The following NEMF variants were observed in gnomAD, a reference collection of about 807,000 sequenced individuals.
The protein encoded by NEMF is ribosome quality control complex subunit NEMF.
In NEMF, 89 loss-of-function variants were observed where a neutral mutation model predicts 162.2. The ratio of observed to expected loss-of-function variants is 0.55; its 90% confidence interval spans 0.46 to 0.65. The LOEUF (loss-of-function observed/expected upper bound fraction) is 0.65. NEMF is among the 30% of genes least tolerant of loss of function. NEMF has a pLI of 0.00. For synonymous variants in NEMF, 421 were observed against 404.5 expected, an observed-to-expected ratio of 1.04 and a Z score of -0.49; for missense variants, 1,133 against 1,261.9, an observed-to-expected ratio of 0.90 and a Z score of 1.55.
chr14:49,782,113 C>T lies in NEMF; in HGVS notation c.*2523G>A. On this transcript the variant is annotated 3_prime_UTR_variant, in exon 33 of 33. Coordinates refer to ENST00000298310, the MANE Select transcript of NEMF (RefSeq NM_004713.6). ...TACGATTTTTATTGCTAACAAAGAC[C>T]TAGAGAACAGATCGTTCAGTTCAAA... 2.3e-6 allele frequency: 1 copy of T among 431,670 alleles called. No homozygotes were observed. Among genetic ancestry groups the T allele is most frequent in the Non-Finnish European group, 4.1e-6 (1 of 244,146 alleles). 26.7% of individuals were successfully genotyped at this position (431,670 alleles called of 1,614,324 possible).
chr14:49,831,466 CT>C, intron 10 of NEMF, 105 bp from the exon 11 acceptor site: 1 of 726,680 alleles, frequency 1.4e-6, no homozygotes, highest in Non-Finnish European at 2.3e-6. Context: ...GAGACAGAGT[CT>C]CACTCTGTTG....
At chr14:49,791,132 G>C (rs750021083) in intron 26 of NEMF, among the ~76,000 whole-genome samples, 1 of 151,408 alleles carries the variant, frequency 6.6e-6, no homozygotes, top group African/African-American at 2.4e-5. Context: ...TCAGGAGATC[G>C]AGACCATCCT....
intron 19 of NEMF, among the ~76,000 whole-genome samples, chr14:49,804,580 T>A (rs752592786): frequency 4.0e-5 from 6 of 151,654 alleles, no homozygotes; most frequent in Non-Finnish European, 5.9e-5. Flanking sequence ...AGCAGAGAAT[T>A]GCTTGAACCC....
chr14:49,804,545 T>C (rs1398843453), intron 19 of NEMF, among the ~76,000 whole-genome samples: 1 of 151,874 alleles, frequency 6.6e-6, no homozygotes, highest in Non-Finnish European at 1.5e-5. Flanking sequence ...TGGGTGCCTA[T>C]AATCCCAGCT....
chr14:49,823,303 A>T (rs1301310918), intron 16 of NEMF, among the ~76,000 whole-genome samples: 1 of 151,958 alleles, frequency 6.6e-6, no homozygotes, highest in Non-Finnish European at 1.5e-5. Context: ...GAGACTTGCC[A>T]AAAAAGAATA....
At chr14:49,827,840 G>A (rs993168570) in intron 15 of NEMF, among the ~76,000 whole-genome samples, 1 of 151,962 alleles carries the variant, frequency 6.6e-6, no homozygotes, top group Non-Finnish European at 1.5e-5. Context: ...CACAATGGCT[G>A]CTATGTGGAG....
At chr14:49,817,600 C>G (rs1189156766) in intron 16 of NEMF, among the ~76,000 whole-genome samples, 1 of 152,128 alleles carries the variant, frequency 6.6e-6, no homozygotes, top group African/African-American at 2.4e-5. Flanking sequence ...GAAGACGTAA[C>G]AGTTATATAG....
At position 49,832,088 on chromosome 14, in the gene NEMF, G is replaced by A. The variant is rs781472160; in HGVS notation, c.845C>T (p.Ser282Leu). 4 of 1,607,506 alleles carry A rather than the reference G, an allele frequency of 2.5e-6. No homozygotes were observed. Among genetic ancestry groups the A allele is most frequent in the East Asian group, 4.5e-5 (2 of 44,786 alleles). The change falls in exon 10 of 33, where the codon TCA becomes TTA. Residue 282 changes from serine (S) to leucine (L), a missense_variant. Transcript: ENST00000298310. ...TTCAAATTCTATATATGGACATTGTGAATGTTGAGAAAACAAGAAAGGATG... is the reference window on the plus strand; with the variant it reads ...TTCAAATTCTATATATGGACATTGTAAATGTTGAGAAAACAAGAAAGGATG... ...EFHPFLFSQHSQCPYIEFESF... is the reference protein window; with the variant it reads ...EFHPFLFSQHLQCPYIEFESF...
chr14:49,805,910 A>G lies in NEMF; in HGVS notation c.1857+111T>C, dbSNP rs903385343. ...ATTATGTACATATTTTCCTCTACCA[A>G]AAAGAGTTAGCTCTATTGAGCCTTG... On this transcript the variant is annotated intron_variant, in intron 19 of 32. Transcript: ENST00000298310. The G allele has an allele frequency of 1.4e-5, 8 of 559,872 alleles. No individual in the cohort carries two copies. The African/African-American group carries it at 1.5e-4, about 11-fold the overall frequency. The allele number at this position is 559,872 out of a possible 1,614,324, so 34.7% of individuals were successfully genotyped here.
At chr14:49,807,068 G>A (rs1490978625) in intron 18 of NEMF, among the ~76,000 whole-genome samples, 3 of 152,020 alleles carry the variant, frequency 2.0e-5, no homozygotes, top group South Asian at 2.1e-4. Context: ...CCAGCCCCTG[G>A]CAATTACTAA....
chr14:49,838,880 A>G (rs1400203802), intron 5 of NEMF, among the ~76,000 whole-genome samples: 4 of 151,828 alleles, frequency 2.6e-5, no homozygotes, highest in South Asian at 2.1e-4. Flanking sequence ...CACCGTGCCC[A>G]GCCAGCATCT....
chr14:49,804,488 T>A (rs1377387264), intron 19 of NEMF, among the ~76,000 whole-genome samples: 1 of 151,436 alleles, frequency 6.6e-6, no homozygotes, highest in Non-Finnish European at 1.5e-5. Context: ...CCAGCCTGGC[T>A]AAGATGGTGA....
chr14:49,828,752 C>T lies in NEMF; in HGVS notation c.1288G>A (p.Val430Ile). The change falls in exon 14 of 33, where the codon GTT becomes ATT. Residue 430 changes from valine (V) to isoleucine (I), a missense_variant. By Grantham distance (29) the Val-to-Ile change is conservative (BLOSUM62 3). Coordinates refer to ENST00000298310, the MANE Select transcript of NEMF (RefSeq NM_004713.6). ...EDDDVDGDVN[V>I]EKNETEPPKG... ...GGTGGTTCAGTTTCATTTTTCTCAA[C>T]ATTGACGTCACCATCAACATCATCA... is the stretch of plus-strand genomic sequence containing the variant. 6.3e-7 allele frequency: 1 copy of T among 1,575,836 alleles called. No individual in the cohort carries two copies. The highest frequency in any genetic ancestry group is 8.7e-7 in the Non-Finnish European group (1 of 1,153,132).
intron 11 of NEMF, 51 bp downstream of exon 11, chr14:49,831,248 T>C (rs1250729606): frequency 1.6e-5 from 16 of 1,011,408 alleles, no homozygotes; most frequent in Non-Finnish European, 2.5e-5. Flanking sequence ...CATCTACCCA[T>C]CAAGCCGCTA....
At chr14:49,799,850 A>G (rs770147241) in intron 23 of NEMF, among the ~76,000 whole-genome samples, 172 bp from the exon 24 acceptor site, 1 of 152,196 alleles carries the variant, frequency 6.6e-6, no homozygotes, top group Non-Finnish European at 1.5e-5. Context: ...ACACTTCCAT[A>G]TACATTTTTA....
intron 28 of NEMF, among the ~76,000 whole-genome samples, chr14:49,788,558 C>CTTT (rs34178212): frequency 4.5e-5 from 2 of 44,580 alleles, no homozygotes; most frequent in Admixed American, 2.3e-4. Context: ...TTCTCTCTCT[C>CTTT]TTTTTTTTTT....
chr14:49,822,668 TAAAAAAAAAAAAAA>T (rs59170500), intron 16 of NEMF, among the ~76,000 whole-genome samples: 1 of 46,142 alleles, frequency 2.2e-5, no homozygotes, highest in Non-Finnish European at 3.8e-5. Context: ...AGTCTCTACT[TAAAAAAAAAAAAAA>T]AAAAAAAAAA....
chr14:49,828,769 A>T lies in NEMF; in HGVS notation c.1271T>A (p.Val424Asp). ...YLLSEEEDDD[V>D]DGDVNVEKNE... ...TTTCTCAACATTGACGTCACCATCA[A>T]CATCATCATCTTCCTCCTCTGATAA... Residue 424 changes from valine (V) to aspartate (D), a missense_variant, in exon 14 of 33, where the codon GTT becomes GAT. Physicochemically the swap from Val to Asp is radical, Grantham distance 152. Transcript: ENST00000298310. 1.3e-6 allele frequency: 2 copies of T among 1,559,880 alleles called. No homozygotes were observed. The highest frequency in any genetic ancestry group is 1.2e-5 in the South Asian group (1 of 84,890).
chr14:49,800,778 C>T, intron 22 of NEMF, 82 bp from the exon 23 acceptor site: 2 of 1,292,800 alleles, frequency 1.5e-6, no homozygotes, highest in Non-Finnish European at 2.1e-6. Context: ...AAAAATATTC[C>T]ACTGTTTCTC....
Sources: allele counts gnomAD v4.1 joint callset (sites outside exome capture counted in the v4.1 genomes callset), GRCh38; gene constraint gnomAD v4.1.1; transcripts MANE v1.5; gene names NCBI Gene and HGNC (gene_info 2026-07-23, HGNC 2026-07-21).